Variants in RFX7 observed in about 807,000 individuals in gnomAD.
RFX7 encodes DNA-binding protein RFX7.
In RFX7, 26 loss-of-function variants were observed where a neutral mutation model predicts 111.8. The ratio of observed to expected loss-of-function variants is 0.23; its 90% CI spans 0.17 to 0.32. The LOEUF is 0.32. Ranked by LOEUF, RFX7 falls within the 10% of genes least tolerant of loss-of-function variation. The pLI, the probability that RFX7 is intolerant of heterozygous loss-of-function variation, is 1.00. For synonymous variants in RFX7, 624 were observed against 624.4 expected (o/e 1.00, Z 0.01); for missense variants, 1,573 against 1,772.9 (o/e 0.89, Z 2.02).
At chr15:56,174,933 CT>C (rs771182371) in intron 3 of RFX7, among the ~76,000 whole-genome samples, 48 of 152,152 alleles carry the variant, frequency 3.2e-4, no homozygotes, top group Non-Finnish European at 6.5e-4. Flanking sequence ...AGGAAATTCA[CT>C]CTCACATTTC....
chr15:56,230,223 C>T, intron 2 of RFX7, among the ~76,000 whole-genome samples: 1 of 152,210 alleles, frequency 6.6e-6, no homozygotes, highest in East Asian at 1.9e-4. Context: ...ACCCTAACTA[C>T]TGTTGTATAC....
intron 8 of RFX7, among the ~76,000 whole-genome samples, 185 bp downstream of exon 8, chr15:56,101,174 T>C (rs1595923581): frequency 6.6e-6 from 1 of 152,174 alleles, no homozygotes; most frequent in Non-Finnish European, 1.5e-5. Context: ...TTAAGCTTTA[T>C]AATGAAAGGA....
intron 2 of RFX7, among the ~76,000 whole-genome samples, chr15:56,241,435 T>C (rs1717197659): frequency 6.6e-6 from 1 of 152,208 alleles, no homozygotes. Context: ...AATTAAAATA[T>C]ACATTACTCA....
At chr15:56,224,771 C>G (rs1279148400) in intron 2 of RFX7, among the ~76,000 whole-genome samples, 5 of 151,976 alleles carry the variant, frequency 3.3e-5, no homozygotes, top group Non-Finnish European at 7.4e-5. Flanking sequence ...ATAGAGAAAA[C>G]TTTTCATTCT....
intron 2 of RFX7, among the ~76,000 whole-genome samples, chr15:56,196,603 T>C (rs1341469765): frequency 2.6e-5 from 4 of 152,068 alleles, no homozygotes; most frequent in Non-Finnish European, 5.9e-5. Flanking sequence ...CCAAGTGCTG[T>C]ATCTGATGGA....
chr15:56,243,043 C>G, intron 2 of RFX7, 82 bp downstream of exon 2: 74 of 524,312 alleles, frequency 1.4e-4, no homozygotes, highest in Non-Finnish European at 2.4e-4. Flanking sequence ...CTCCTCCGCT[C>G]CCCCCGCCCG....
intron 3 of RFX7, among the ~76,000 whole-genome samples, chr15:56,149,251 A>G (rs2042532454): frequency 1.3e-5 from 2 of 152,142 alleles, no homozygotes; most frequent in Admixed American, 6.5e-5. Context: ...TCTGCTGCAT[A>G]TGATGTGAAT....
intron 5 of RFX7, among the ~76,000 whole-genome samples, chr15:56,107,575 C>T (rs899616176): frequency 1.3e-5 from 2 of 152,160 alleles, no homozygotes; most frequent in Non-Finnish European, 1.5e-5. Context: ...GGATACCTAA[C>T]CATACCTGAC....
At chr15:56,105,132 C>T (rs1256141187) in intron 5 of RFX7, among the ~76,000 whole-genome samples, 2 of 152,048 alleles carry the variant, frequency 1.3e-5, no homozygotes, top group East Asian at 3.9e-4. Flanking sequence ...GGGACTTGAC[C>T]CATGTTGATT....
chr15:56,106,227 A>T (rs181769644), intron 5 of RFX7, among the ~76,000 whole-genome samples: 1 of 152,318 alleles, frequency 6.6e-6, no homozygotes, highest in East Asian at 1.9e-4. Context: ...TTGTGTGGTT[A>T]TTTCACAAAA....
At chr15:56,230,856 A>G (rs1395090910) in intron 2 of RFX7, among the ~76,000 whole-genome samples, 1 of 152,204 alleles carries the variant, frequency 6.6e-6, no homozygotes, top group Non-Finnish European at 1.5e-5. Context: ...GCATTTTGGG[A>G]GGCCAAGGTG....
intron 2 of RFX7, among the ~76,000 whole-genome samples, chr15:56,240,782 GATAAA>G (rs1159923858): frequency 6.6e-6 from 1 of 152,054 alleles, no homozygotes; most frequent in Non-Finnish European, 1.5e-5. Context: ...ATTATCAGGT[GATAAA>G]ATAATTTGTA....
At chr15:56,171,543 T>G (rs2042844681) in intron 3 of RFX7, among the ~76,000 whole-genome samples, 1 of 149,066 alleles carries the variant, frequency 6.7e-6, no homozygotes, top group Non-Finnish European at 1.5e-5. Flanking sequence ...AGGAAACATA[T>G]TCTTCCCTAG....
chr15:56,129,462 T>C (rs1488489263), intron 5 of RFX7, among the ~76,000 whole-genome samples: 3 of 152,060 alleles, frequency 2.0e-5, no homozygotes, highest in East Asian at 1.9e-4. Flanking sequence ...CAAAGTATTA[T>C]AAAAGTGATT....
At chr15:56,224,601 T>C (rs1369130172) in intron 2 of RFX7, among the ~76,000 whole-genome samples, 1 of 152,112 alleles carries the variant, frequency 6.6e-6, no homozygotes, top group African/African-American at 2.4e-5. Flanking sequence ...TTAAACATTT[T>C]AATGACTACA....
intron 5 of RFX7, among the ~76,000 whole-genome samples, chr15:56,124,353 C>T (rs1276545076): frequency 5.3e-5 from 8 of 150,748 alleles, no homozygotes; most frequent in African/African-American, 1.7e-4. Context: ...ACCCAGGAGG[C>T]GGAGCTTGCA....
chr15:56,191,245 A>G (rs1298794289), intron 2 of RFX7, among the ~76,000 whole-genome samples: 1 of 152,254 alleles, frequency 6.6e-6, no homozygotes, highest in Admixed American at 6.5e-5. Flanking sequence ...TCAATAAATT[A>G]TAAGTTCCTA....
chr15:56,210,763 C>T (rs1464606210), intron 2 of RFX7, among the ~76,000 whole-genome samples: 1 of 151,878 alleles, frequency 6.6e-6, no homozygotes, highest in South Asian at 2.1e-4. Context: ...AATGAAAACG[C>T]AACATGTCAA....
At chr15:56,177,802 T>C (rs2042918391) in intron 3 of RFX7, among the ~76,000 whole-genome samples, 1 of 152,014 alleles carries the variant, frequency 6.6e-6, no homozygotes, top group Non-Finnish European at 1.5e-5. Flanking sequence ...AAACATGAAA[T>C]AATTACAGAA....
Sources: allele counts gnomAD v4.1 joint callset (sites outside exome capture counted in the v4.1 genomes callset), GRCh38; gene constraint gnomAD v4.1.1; transcripts MANE v1.5; gene names NCBI Gene and HGNC (gene_info 2026-07-23, HGNC 2026-07-21).